The following CTNNA1 variants were observed in gnomAD, a reference collection of about 807,000 sequenced individuals.
CTNNA1 encodes catenin alpha-1.
A neutral mutation model predicts 98.4 loss-of-function variants in CTNNA1; 37 were observed. The ratio of observed to expected loss-of-function variants is 0.38; its 90% CI spans 0.29 to 0.49. The LOEUF is 0.49. Ranked by LOEUF, CTNNA1 falls within the 20% of genes least tolerant of loss-of-function variation. The pLI is 0.95. For missense variants in CTNNA1, 761 were observed against 1,147.2 expected (o/e 0.66, Z 4.86); for synonymous variants, 404 against 413.2 (o/e 0.98, Z 0.27).
intron 5 of CTNNA1, among the ~76,000 whole-genome samples, chr5:138,819,007 C>T (rs1212656862): frequency 6.6e-6 from 1 of 152,120 alleles, no homozygotes; most frequent in Non-Finnish European, 1.5e-5. Flanking sequence ...GTAGCTTTGG[C>T]CCAGGGGCCT....
At chr5:138,872,754 A>G in intron 7 of CTNNA1, 1 of 366,162 alleles carries the variant, frequency 2.7e-6, no homozygotes. Context: ...ATAATTACAT[A>G]CATTTCTTAT....
chr5:138,871,750 C>T (rs907059442), intron 7 of CTNNA1: 1 of 152,274 alleles, frequency 6.6e-6, no homozygotes, highest in African/African-American at 2.4e-5. Flanking sequence ...TGAGATTCAT[C>T]TCAGTGGTGC....
intron 11 of CTNNA1, among the ~76,000 whole-genome samples, chr5:138,918,919 G>A (rs1400371092): frequency 6.6e-6 from 1 of 152,186 alleles, no homozygotes; most frequent in Non-Finnish European, 1.5e-5. Flanking sequence ...GCACAGCACA[G>A]TCCTCCAGCA....
At chr5:138,786,880 C>G (rs975477711) in intron 3 of CTNNA1, among the ~76,000 whole-genome samples, 6 of 152,328 alleles carry the variant, frequency 3.9e-5, no homozygotes, top group African/African-American at 1.4e-4. Flanking sequence ...CTTGGAATTT[C>G]TTAGGCAGCA....
At chr5:138,824,910 A>G (rs1277967268) in intron 6 of CTNNA1, 111 bp downstream of exon 6, 3 of 964,920 alleles carry the variant, frequency 3.1e-6, no homozygotes, top group Non-Finnish European at 4.7e-6. Flanking sequence ...TTCCACTTAG[A>G]TCTTTAATCT....
At chr5:138,931,545 T>G (rs1765329911) in intron 16 of CTNNA1, 3 of 963,020 alleles carry the variant, frequency 3.1e-6, no homozygotes, top group Non-Finnish European at 2.5e-6. Context: ...AGCCAAAGAT[T>G]GTAAAGGCAT....
In CTNNA1 at chr5:138,851,119, A is replaced by G. The variant is rs869312573; in HGVS notation, c.1062+23401A>G. 1.3e-5 allele frequency among the ~76,000 whole-genome samples: 2 copies of G among 152,226 alleles called. No individual in the cohort carries two copies. ...TGTCACCCATGATATATTCCTGGGAAGTTGAGGTTCAGGATAATTCCACAA... is the reference window on the plus strand; with the variant it reads ...TGTCACCCATGATATATTCCTGGGAGGTTGAGGTTCAGGATAATTCCACAA... On this transcript the variant is annotated intron_variant, in intron 7 of 17. Coordinates refer to ENST00000302763, the MANE Select transcript of CTNNA1 (RefSeq NM_001903.5).
At chr5:138,754,584 A>T (rs1751415385) in intron 1 of CTNNA1, 1 of 152,316 alleles carries the variant, frequency 6.6e-6, no homozygotes, top group African/African-American at 2.4e-5. Context: ...TGTGGAGCGA[A>T]TATTTGTGTT....
At chr5:138,836,387 A>C (rs572074563) in intron 7 of CTNNA1, among the ~76,000 whole-genome samples, 1 of 152,344 alleles carries the variant, frequency 6.6e-6, no homozygotes, top group African/African-American at 2.4e-5. Context: ...TTTGTCAAAA[A>C]TTAATTTGTG....
At chr5:138,851,438 C>T (rs1763173003) in intron 7 of CTNNA1, among the ~76,000 whole-genome samples, 1 of 152,132 alleles carries the variant, frequency 6.6e-6, no homozygotes, top group Non-Finnish European at 1.5e-5. Flanking sequence ...AGTCTCTAAG[C>T]AGGAGAGGTG....
intron 5 of CTNNA1, among the ~76,000 whole-genome samples, chr5:138,812,584 G>A (rs1390020908): frequency 6.6e-6 from 1 of 152,136 alleles, no homozygotes. Flanking sequence ...AGGTCTTTGT[G>A]TATTTAAGGA....
chr5:138,909,561 A>G (rs2150175247), intron 10 of CTNNA1, among the ~76,000 whole-genome samples: 1 of 151,908 alleles, frequency 6.6e-6, no homozygotes, highest in East Asian at 1.9e-4. Flanking sequence ...CTGGTCTCAA[A>G]CTCCTGAGGT....
intron 9 of CTNNA1, among the ~76,000 whole-genome samples, chr5:138,898,452 A>C (rs1757373105): frequency 6.6e-6 from 1 of 152,172 alleles, no homozygotes; most frequent in South Asian, 2.1e-4. Context: ...CTTTACTTAT[A>C]AATTATTCAC....
At chr5:138,893,675 G>A (rs983897351) in intron 9 of CTNNA1, among the ~76,000 whole-genome samples, 1 of 151,808 alleles carries the variant, frequency 6.6e-6, no homozygotes, top group Non-Finnish European at 1.5e-5. Flanking sequence ...CCAGGCTGGA[G>A]TGCAGTGGCG....
intron 7 of CTNNA1, among the ~76,000 whole-genome samples, chr5:138,879,607 A>AC (rs1242619493): frequency 1.3e-5 from 2 of 152,086 alleles, no homozygotes; most frequent in Non-Finnish European, 1.5e-5. Flanking sequence ...AGCACATGCC[A>AC]CCATACCCAG....
At chr5:138,893,150 T>C (rs956667099) in intron 9 of CTNNA1, among the ~76,000 whole-genome samples, 4 of 152,196 alleles carry the variant, frequency 2.6e-5, no homozygotes, top group Non-Finnish European at 5.9e-5. Context: ...TGCCCTTCAC[T>C]CAAGGCCAGC....
At chr5:138,899,518 A>T (rs1164411729) in intron 9 of CTNNA1, among the ~76,000 whole-genome samples, 1 of 152,138 alleles carries the variant, frequency 6.6e-6, no homozygotes. Context: ...CCCTCTTTCC[A>T]TGGTGACTTT....
intron 5 of CTNNA1, among the ~76,000 whole-genome samples, chr5:138,823,655 T>C (rs6877187): frequency 0.65 from 99,078 of 152,050 alleles, 33,018 homozygotes; most frequent in East Asian, 0.93. Flanking sequence ...ACAAAACTCT[T>C]ACAATAAAAT....
intron 3 of CTNNA1, among the ~76,000 whole-genome samples, chr5:138,793,382 C>T (rs1195405695): frequency 1.3e-5 from 2 of 152,200 alleles, no homozygotes; most frequent in Non-Finnish European, 2.9e-5. Context: ...GACTTGTGTT[C>T]TGCTGTAGCC....
Sources: allele counts gnomAD v4.1 joint callset (sites outside exome capture counted in the v4.1 genomes callset), GRCh38; gene constraint gnomAD v4.1.1; transcripts MANE v1.5; gene names NCBI Gene and HGNC (gene_info 2026-07-23, HGNC 2026-07-21).